ACER3: variants seen among roughly 807,000 people sequenced by gnomAD.
ACER3 encodes alkaline ceramidase 3, also known as alkCDase 3.
Under a neutral mutation model 48.9 loss-of-function variants are expected in ACER3, and 16 were observed. The ratio of observed to expected loss-of-function variants is 0.33; its 90% CI spans 0.22 to 0.50. The LOEUF is 0.50. Among genes scored for constraint, ACER3 ranks in the 20% least tolerant of loss-of-function variants. The pLI is 0.98. For synonymous variants in ACER3, 109 were observed against 107.8 expected (o/e 1.01, Z -0.07); for missense variants, 227 against 326.0 (o/e 0.70, Z 2.34).
At chr11:77,015,222 C>T (rs942343617) in intron 8 of ACER3, 105 bp downstream of exon 8, 23 of 651,350 alleles carry the variant, frequency 3.5e-5, no homozygotes, top group Non-Finnish European at 5.6e-5. Context: ...TGAATTTTTA[C>T]TATTGTTGAC....
intron 7 of ACER3, 77 bp downstream of exon 7, chr11:76,998,898 A>T: frequency 8.7e-7 from 1 of 1,154,102 alleles, no homozygotes; most frequent in East Asian, 2.8e-5. Context: ...CCTAAATCAA[A>T]ATAACACATA....
intron 1 of ACER3, among the ~76,000 whole-genome samples, chr11:76,864,919 AT>A (rs34901215): frequency 0.53 from 61,608 of 115,908 alleles, 18,264 homozygotes; most frequent in Non-Finnish European, 0.7. Flanking sequence ...TTTTAAATTA[AT>A]TTTTTTTTTT....
At chr11:76,968,423 A>G (rs12294141) in intron 3 of ACER3, among the ~76,000 whole-genome samples, 3,289 of 152,300 alleles carry the variant, frequency 0.022, 121 homozygotes, top group African/African-American at 0.076. Flanking sequence ...GACTTTCTTC[A>G]CAGAATTGGA....
intron 1 of ACER3, among the ~76,000 whole-genome samples, chr11:76,921,182 T>G (rs929087953): frequency 1.3e-5 from 2 of 152,208 alleles, no homozygotes; most frequent in African/African-American, 4.8e-5. Context: ...CCTTTTCATG[T>G]CCTACTGAAA....
intron 7 of ACER3, among the ~76,000 whole-genome samples, chr11:77,012,932 T>C (rs1555022524): frequency 6.6e-6 from 1 of 152,176 alleles, no homozygotes; most frequent in Non-Finnish European, 1.5e-5. Flanking sequence ...TAATGAAATA[T>C]AAATCAATAG....
intron 1 of ACER3, among the ~76,000 whole-genome samples, chr11:76,892,232 A>G (rs1161905509): frequency 6.6e-6 from 1 of 152,200 alleles, no homozygotes; most frequent in Non-Finnish European, 1.5e-5. Flanking sequence ...TTATGTAAAT[A>G]AAGTCACTAG....
rs1229993992 is a variant in ACER3, at chr11:76,909,864, C to G, written c.104-16693C>G. Among the ~76,000 whole-genome samples, 3 of 152,214 alleles carry G rather than the reference C, an allele frequency of 2.0e-5. No individual in the cohort carries two copies. In the East Asian group the frequency reaches 5.8e-4, roughly 29 times the overall value. ...TATTCACAATAGCAAAGACTTGGAA[C>G]CAACCCAGATGCCCATCAATGATAG... is the stretch of plus-strand genomic sequence containing the variant. On this transcript the variant is annotated intron_variant, in intron 1 of 10. Transcript: ENST00000532485.
intron 3 of ACER3, among the ~76,000 whole-genome samples, chr11:76,963,257 AG>A (rs891711106): frequency 6.6e-6 from 1 of 151,390 alleles, no homozygotes; most frequent in African/African-American, 2.5e-5. Flanking sequence ...ACAAACAAAA[AG>A]TTTCACTTTA....
chr11:76,929,193 A>T (rs1174474752), intron 2 of ACER3, among the ~76,000 whole-genome samples: 1 of 151,962 alleles, frequency 6.6e-6, no homozygotes, highest in African/African-American at 2.4e-5. Flanking sequence ...TGTAAGTTGG[A>T]TTCCTAGGTA....
At chr11:76,956,281 G>A (rs1055174694) in intron 2 of ACER3, among the ~76,000 whole-genome samples, 3 of 152,164 alleles carry the variant, frequency 2.0e-5, no homozygotes, top group African/African-American at 7.2e-5. Flanking sequence ...AGAGAATGCT[G>A]TTCTATTACA....
rs1013201185 is a variant in ACER3, at chr11:76,933,255, T to A, written c.214+6588T>A. Among the ~76,000 whole-genome samples the A allele has an allele frequency of 6.2e-5, 8 of 128,368 alleles. No individual in the cohort carries two copies. In the East Asian group the frequency reaches 1.1e-3, roughly 18 times the overall value. 84.2% of individuals were successfully genotyped at this position (128,368 alleles called of 152,430 possible). Reference sequence around the variant, plus strand: ...AATTAGAAATCTTTTTTTTTTTTTTTAGCACATACTTATAATTTTTATTTT... The same window carrying A: ...AATTAGAAATCTTTTTTTTTTTTTTAAGCACATACTTATAATTTTTATTTT... On this transcript the variant is annotated intron_variant, in intron 2 of 10. Transcript: ENST00000532485.
chr11:77,005,984 TA>T (rs1226104327), intron 7 of ACER3, among the ~76,000 whole-genome samples: 11 of 23,648 alleles, frequency 4.7e-4, no homozygotes, highest in African/African-American at 5.8e-4. Flanking sequence ...TATATATATA[TA>T]TATATATTTT....
chr11:76,946,762 A>G lies in ACER3; in HGVS notation c.215-12217A>G, dbSNP rs974097904. Reference sequence around the variant, plus strand: ...GGTTCCTGATATCTAGGCTGTCACAATGGCATTTAGCCAACGCTGGTCTAG... The same window carrying G: ...GGTTCCTGATATCTAGGCTGTCACAGTGGCATTTAGCCAACGCTGGTCTAG... On this transcript the variant is annotated intron_variant, in intron 2 of 10. Coordinates refer to ENST00000532485, the MANE Select transcript of ACER3 (RefSeq NM_018367.7). 6.5e-4 allele frequency among the ~76,000 whole-genome samples: 99 copies of G among 152,172 alleles called. 2 individuals are homozygous for G. Among genetic ancestry groups the G allele is most frequent in the Admixed American group, 6.5e-3 (99 of 15,286 alleles).
At chr11:76,962,908 G>A (rs952717277) in intron 3 of ACER3, among the ~76,000 whole-genome samples, 39 of 151,386 alleles carry the variant, frequency 2.6e-4, no homozygotes, top group Admixed American at 2.4e-3. Flanking sequence ...TAGTGAGGGA[G>A]AAGAAAAGGA....
chr11:76,994,366 G>A, intron 6 of ACER3: 1 of 354,362 alleles, frequency 2.8e-6, no homozygotes, highest in South Asian at 2.1e-5. Flanking sequence ...CTGGCCTCAA[G>A]TGATCTGCCC....
intron 1 of ACER3, among the ~76,000 whole-genome samples, chr11:76,903,450 C>A (rs1375958744): frequency 4.8e-5 from 5 of 104,680 alleles, no homozygotes; most frequent in East Asian, 7.0e-4. Flanking sequence ...CTCCCACCCC[C>A]CCACCCGCCC....
chr11:76,872,711 A>C (rs181241863), intron 1 of ACER3, among the ~76,000 whole-genome samples: 3 of 152,220 alleles, frequency 2.0e-5, no homozygotes, highest in Admixed American at 2.0e-4. Context: ...AAAAGTTTCT[A>C]ATGAACTGTT....
chr11:76,954,563 T>A (rs7929468), intron 2 of ACER3, among the ~76,000 whole-genome samples: 60,127 of 150,626 alleles, frequency 0.4, 14,678 homozygotes, highest in Non-Finnish European at 0.56. Flanking sequence ...TCCCCTTTTT[T>A]ATGTTTTTTT....
intron 7 of ACER3, among the ~76,000 whole-genome samples, chr11:77,002,958 C>T (rs1555020195): frequency 1.3e-5 from 2 of 151,838 alleles, no homozygotes; most frequent in African/African-American, 4.8e-5. Flanking sequence ...GAGGGGGTTC[C>T]CTGGGGAAGG....
Sources: gnomAD v4.1 joint callset for allele counts (sites outside exome capture counted in the v4.1 genomes callset) on GRCh38, gnomAD v4.1.1 for gene constraint, MANE v1.5 for transcripts, NCBI Gene and HGNC (gene_info 2026-07-23, HGNC 2026-07-21) for gene names.